SLC24A2: variants seen among roughly 807,000 people sequenced by gnomAD.
SLC24A2 encodes the protein solute carrier family 24 member 2.
Under a neutral mutation model 62.0 loss-of-function variants are expected in SLC24A2, and 36 were observed. That is an observed-to-expected ratio of 0.58 (90% CI 0.44 to 0.77). The LOEUF is 0.77. Ranked by LOEUF, SLC24A2 falls within the 30% of genes least tolerant of loss-of-function variation. SLC24A2 has a pLI of 0.00. For synonymous variants in SLC24A2, 358 were observed against 294.0 expected (o/e 1.22, Z -2.23); for missense variants, 846 against 817.9 (o/e 1.03, Z -0.42).
At chr9:19,961,589 T>G in the SLC24A2 span, among the ~76,000 whole-genome samples, 1 of 152,154 alleles carries the variant, frequency 6.6e-6, no homozygotes, top group Non-Finnish European at 1.5e-5. Context: ...CCAGGTAACC[T>G]CTAAGATGCC....
chr9:19,953,821 CT>C, the SLC24A2 span, among the ~76,000 whole-genome samples: 1 of 151,874 alleles, frequency 6.6e-6, no homozygotes, highest in Non-Finnish European at 1.5e-5. Context: ...GCATTAGTTG[CT>C]TTTTTTCATG....
chr9:19,596,784 G>C (rs77684581), intron 5 of SLC24A2, among the ~76,000 whole-genome samples: 2,121 of 152,250 alleles, frequency 0.014, 52 homozygotes, highest in African/African-American at 0.049. Context: ...GTGTCTAGCT[G>C]GTTCTGGGTA....
At chr9:19,869,672 T>C in the SLC24A2 span, among the ~76,000 whole-genome samples, 13 of 152,238 alleles carry the variant, frequency 8.5e-5, no homozygotes, top group African/African-American at 1.9e-4. Context: ...AAAAAAGCTG[T>C]GTCCTTTTCC....
chr9:19,615,684 C>G (rs1053679930), intron 4 of SLC24A2, among the ~76,000 whole-genome samples: 2 of 152,180 alleles, frequency 1.3e-5, no homozygotes, highest in African/African-American at 4.8e-5. Flanking sequence ...CCTCCCACAT[C>G]TTTCAGGGAG....
chr9:19,978,485 A>G, the SLC24A2 span, among the ~76,000 whole-genome samples: 6 of 152,090 alleles, frequency 3.9e-5, no homozygotes, highest in Non-Finnish European at 7.4e-5. Flanking sequence ...TACAGTCTTT[A>G]GAAAGCCCAG....
chr9:20,022,918 T>G, the SLC24A2 span, among the ~76,000 whole-genome samples: 2 of 152,230 alleles, frequency 1.3e-5, no homozygotes, highest in East Asian at 3.9e-4. Flanking sequence ...ATTAATGTAT[T>G]TGACTAAAGA....
At chr9:19,550,706 C>CTTTTT (rs10630327) in intron 7 of SLC24A2, among the ~76,000 whole-genome samples, 2 of 145,134 alleles carry the variant, frequency 1.4e-5, no homozygotes, top group Admixed American at 6.8e-5. Context: ...TTCTTTTTCT[C>CTTTTT]TTTTTTTTTT....
At chr9:19,558,118 A>G (rs922123219) in intron 7 of SLC24A2, among the ~76,000 whole-genome samples, 2 of 152,158 alleles carry the variant, frequency 1.3e-5, no homozygotes, top group Non-Finnish European at 2.9e-5. Flanking sequence ...TTTCCTTAAA[A>G]AGCTGATAAG....
chr9:19,627,460 A>T (rs1447008471), intron 2 of SLC24A2, among the ~76,000 whole-genome samples: 9 of 152,308 alleles, frequency 5.9e-5, no homozygotes, highest in African/African-American at 2.2e-4. Context: ...GGGTGACTTC[A>T]TTAAGCAGAA....
the SLC24A2 span, among the ~76,000 whole-genome samples, chr9:20,255,647 A>C: frequency 2.6e-5 from 4 of 152,134 alleles, no homozygotes; most frequent in Non-Finnish European, 2.9e-5. Flanking sequence ...ATTTCCTCAC[A>C]GTATGGAGAG....
At chr9:19,868,576 T>A in the SLC24A2 span, among the ~76,000 whole-genome samples, 1 of 152,212 alleles carries the variant, frequency 6.6e-6, no homozygotes, top group Non-Finnish European at 1.5e-5. Flanking sequence ...TTTTTGAGAA[T>A]GGGATATTAT....
intron 2 of SLC24A2, among the ~76,000 whole-genome samples, chr9:19,718,183 G>A (rs1395204658): frequency 1.3e-5 from 2 of 151,088 alleles, no homozygotes; most frequent in Non-Finnish European, 2.9e-5. Context: ...CTCCCTGTTG[G>A]TAAGGCTGGT....
the SLC24A2 span, among the ~76,000 whole-genome samples, chr9:19,825,133 T>C: frequency 6.6e-6 from 1 of 152,194 alleles, no homozygotes; most frequent in South Asian, 2.1e-4. Flanking sequence ...CATGTATACC[T>C]ATGTAACATA....
At chr9:19,562,227 T>C (rs1835438397) in intron 7 of SLC24A2, among the ~76,000 whole-genome samples, 1 of 152,198 alleles carries the variant, frequency 6.6e-6, no homozygotes, top group African/African-American at 2.4e-5. Context: ...AAAAGCTAAC[T>C]GGAGAAACAT....
the SLC24A2 span, among the ~76,000 whole-genome samples, chr9:19,904,709 T>C: frequency 6.6e-6 from 1 of 152,252 alleles, no homozygotes; most frequent in Non-Finnish European, 1.5e-5. Flanking sequence ...ATTTGCTGTT[T>C]CATATTCCTC....
At chr9:19,986,586 T>C in the SLC24A2 span, among the ~76,000 whole-genome samples, 1 of 148,886 alleles carries the variant, frequency 6.7e-6, no homozygotes, top group African/African-American at 2.5e-5. Flanking sequence ...TATATATATA[T>C]CCAATGTAAT....
At chr9:20,036,876 G>T in the SLC24A2 span, among the ~76,000 whole-genome samples, 3 of 148,254 alleles carry the variant, frequency 2.0e-5, no homozygotes, top group South Asian at 6.5e-4. Flanking sequence ...ATGTATATAT[G>T]TGTGTGTGTG....
At chr9:20,210,648 T>G in the SLC24A2 span, among the ~76,000 whole-genome samples, 1 of 20,318 alleles carries the variant, frequency 4.9e-5, no homozygotes, top group East Asian at 4.7e-4. Flanking sequence ...TTTTTTTTTT[T>G]TTTTTTTTTT....
chr9:19,780,730 G>A (rs1388054383), intron 2 of SLC24A2, among the ~76,000 whole-genome samples: 3 of 151,540 alleles, frequency 2.0e-5, no homozygotes, highest in Non-Finnish European at 4.4e-5. Flanking sequence ...AAAATTAGCC[G>A]GGCGCGGTGG....
Sources: gnomAD v4.1 joint callset for allele counts (sites outside exome capture counted in the v4.1 genomes callset) on GRCh38, gnomAD v4.1.1 for gene constraint, MANE v1.5 for transcripts, NCBI Gene and HGNC (gene_info 2026-07-23, HGNC 2026-07-21) for gene names.